SHTN1: variants seen among roughly 807,000 people sequenced by gnomAD.
SHTN1 encodes shootin-1.
A neutral mutation model predicts 83.1 loss-of-function variants in SHTN1; 42 were observed. The observed-to-expected ratio is 0.51, with a 90% CI of 0.39 to 0.65. The LOEUF is 0.65. SHTN1 is among the 30% of genes least tolerant of loss of function. The pLI, the probability that SHTN1 is intolerant of heterozygous loss-of-function variation, is 0.00. For missense variants in SHTN1, 622 were observed against 737.8 expected (o/e 0.84, Z 1.82); for synonymous variants, 224 against 247.7 (o/e 0.90, Z 0.90).
intron 1 of SHTN1, among the ~76,000 whole-genome samples, chr10:117,115,979 G>C (rs1406942503): frequency 6.6e-6 from 1 of 152,056 alleles, no homozygotes; most frequent in African/African-American, 2.4e-5. Context: ...CTGTAGAGTG[G>C]AGATAATTAT....
chr10:117,123,954 G>A (rs1336738395), intron 1 of SHTN1, among the ~76,000 whole-genome samples: 2 of 150,044 alleles, frequency 1.3e-5, no homozygotes, highest in East Asian at 2.0e-4. Context: ...ACTCATACCT[G>A]TAATCCGAAC....
intron 9 of SHTN1, among the ~76,000 whole-genome samples, chr10:116,930,361 T>C (rs1848914878): frequency 6.6e-6 from 1 of 152,190 alleles, no homozygotes; most frequent in Non-Finnish European, 1.5e-5. Context: ...ACCTGATAGA[T>C]ACTTTTTCGA....
At position 116,979,027 on chromosome 10, in the gene SHTN1, T is replaced by C. The variant is rs923923966; in HGVS notation, c.111+229A>G. On this transcript the variant is annotated intron_variant, in intron 2 of 16. Coordinates refer to ENST00000355371, the MANE Select transcript of SHTN1 (RefSeq NM_001127211.3). The stretch of plus-strand genomic sequence containing the variant: ...GTGCCTTGCTGCACATTTAGCCATG[T>C]AGTTAATCTCCCAGAGCTGCACCCA... Among the ~76,000 whole-genome samples, 72 of 152,248 alleles carry C rather than the reference T, an allele frequency of 4.7e-4. 1 individual carries two copies. The highest frequency in any genetic ancestry group is 1.0e-4 in the Non-Finnish European group (7 of 68,046).
intron 2 of SHTN1, among the ~76,000 whole-genome samples, chr10:117,040,182 G>C (rs1290179917): frequency 3.3e-5 from 5 of 152,120 alleles, no homozygotes; most frequent in Admixed American, 3.3e-4. Flanking sequence ...CTGAAAACCT[G>C]ATTTGAAAAT....
intron 2 of SHTN1, among the ~76,000 whole-genome samples, chr10:117,043,412 A>T (rs1589908793): frequency 6.6e-6 from 1 of 152,172 alleles, no homozygotes; most frequent in East Asian, 1.9e-4. Flanking sequence ...AGTTCTGGAG[A>T]CCAATGGTGG....
At chr10:117,053,058 G>A (rs1485932294) in intron 1 of SHTN1, among the ~76,000 whole-genome samples, 2 of 128,364 alleles carry the variant, frequency 1.6e-5, no homozygotes, top group East Asian at 2.2e-4. Flanking sequence ...GGACCCTTAC[G>A]TGACCCCTCA....
chr10:116,951,787 T>C lies in SHTN1; in HGVS notation c.534+122A>G, dbSNP rs113376632. The C allele has an allele frequency of 7.1e-4, 319 of 448,058 alleles. 1 individual carries two copies. The highest frequency in any genetic ancestry group is 3.0e-3 in the African/African-American group (149 of 49,448). 27.8% of individuals were successfully genotyped at this position (448,058 alleles called of 1,614,324 possible). On this transcript the variant is annotated intron_variant, in intron 6 of 16. Coordinates refer to ENST00000355371, the MANE Select transcript of SHTN1 (RefSeq NM_001127211.3). Reference sequence around the variant, plus strand: ...TATGTCTGAAATTGAGGAGAGAAGATTAAAATTGGTACATGGTTCTCATGT... The same window carrying C: ...TATGTCTGAAATTGAGGAGAGAAGACTAAAATTGGTACATGGTTCTCATGT...
chr10:116,937,314 C>T (rs1589823296), intron 9 of SHTN1, among the ~76,000 whole-genome samples: 2 of 152,086 alleles, frequency 1.3e-5, no homozygotes, highest in South Asian at 2.1e-4. Context: ...CTTTCCTTTC[C>T]ATGTTTAGTG....
intron 1 of SHTN1, among the ~76,000 whole-genome samples, chr10:117,062,760 T>C (rs151099265): frequency 6.6e-5 from 10 of 152,328 alleles, no homozygotes; most frequent in Middle Eastern, 6.8e-3. Context: ...AAGCTCTTTG[T>C]GGGTCTTCAA....
At chr10:116,963,138 C>T (rs1322558140) in intron 3 of SHTN1, among the ~76,000 whole-genome samples, 1 of 132,564 alleles carries the variant, frequency 7.5e-6, no homozygotes, top group Non-Finnish European at 1.5e-5. Flanking sequence ...GTGGCGCAAT[C>T]TCGGCTCACT....
chr10:117,022,942 G>A (rs1852284331), intron 2 of SHTN1, among the ~76,000 whole-genome samples: 1 of 152,084 alleles, frequency 6.6e-6, no homozygotes, highest in South Asian at 2.1e-4. Flanking sequence ...ATAAATGCAA[G>A]TGTATCAAAA....
chr10:116,902,811 G>C lies in SHTN1; in HGVS notation c.1481-854C>G, dbSNP rs1455930380. ...GAGAGGATAACCTTGAAATGTGCCAGTAAGAAGAGCACAAAACTTGGGTGT... is the reference window on the plus strand; with the variant it reads ...GAGAGGATAACCTTGAAATGTGCCACTAAGAAGAGCACAAAACTTGGGTGT... On this transcript the variant is annotated intron_variant, in intron 15 of 16. Coordinates refer to ENST00000355371, the MANE Select transcript of SHTN1 (RefSeq NM_001127211.3). Among the ~76,000 whole-genome samples the C allele has an allele frequency of 2.6e-5, 4 of 152,316 alleles. No homozygotes were observed. In the East Asian group the frequency reaches 7.7e-4, roughly 29 times the overall value.
At chr10:116,980,495 AT>A (rs1263570157) in intron 1 of SHTN1, among the ~76,000 whole-genome samples, 2 of 149,848 alleles carry the variant, frequency 1.3e-5, no homozygotes, top group African/African-American at 2.5e-5. Flanking sequence ...GGGTCTTGCT[AT>A]TTTGCCCAGC....
At chr10:116,924,423 G>C (rs968019085) in intron 11 of SHTN1, among the ~76,000 whole-genome samples, 1 of 151,258 alleles carries the variant, frequency 6.6e-6, no homozygotes, top group Non-Finnish European at 1.5e-5. Context: ...ATTTACACAC[G>C]GGAAGAAGAA....
chr10:116,942,291 C>A (rs1022328558), intron 8 of SHTN1, among the ~76,000 whole-genome samples: 1 of 151,776 alleles, frequency 6.6e-6, no homozygotes, highest in South Asian at 2.1e-4. Context: ...CGGCTCACTG[C>A]AACCTCTGCC....
At position 116,946,605 on chromosome 10, in the gene SHTN1, ATTTATATATAAATATATAAAATG is replaced by A. The variant is rs1564890895; in HGVS notation, c.617-1610_617-1588del. The stretch of plus-strand genomic sequence containing the variant: ...GATTTATATATAAATATATAAAATG[ATTTATATATAAATATATAAAATG>A]ATTTATATATAAATATATAAAATGA... On this transcript the variant is annotated intron_variant, in intron 7 of 16. Coordinates refer to ENST00000355371, the MANE Select transcript of SHTN1 (RefSeq NM_001127211.3). Among the ~76,000 whole-genome samples the A allele has an allele frequency of 2.6e-4, 32 of 121,090 alleles. No individual in the cohort carries two copies. The East Asian group carries it at 3.5e-3, about 13-fold the overall frequency. 79.4% of individuals were successfully genotyped at this position (121,090 alleles called of 152,430 possible). A position where few individuals can be genotyped will look rare whatever the true frequency, so the allele number is the denominator to read the frequency against.
At chr10:116,980,670 C>A (rs756059016) in intron 1 of SHTN1, among the ~76,000 whole-genome samples, 2 of 151,876 alleles carry the variant, frequency 1.3e-5, no homozygotes, top group Non-Finnish European at 2.9e-5. Context: ...GTTCCAAGAA[C>A]ATCCCAGATA....
chr10:117,005,204 C>G, upstream of SHTN1: 1 of 1,522,914 alleles, frequency 6.6e-7, no homozygotes, highest in Non-Finnish European at 8.8e-7. Flanking sequence ...GGATCCGCTC[C>G]CGCTCCTCCT....
At chr10:117,120,695 G>A (rs1853910019) in intron 1 of SHTN1, among the ~76,000 whole-genome samples, 1 of 152,134 alleles carries the variant, frequency 6.6e-6, no homozygotes, top group African/African-American at 2.4e-5. Flanking sequence ...ACAGAACCTA[G>A]TGTTAGATAG....
Sources: gnomAD v4.1 joint callset for allele counts (sites outside exome capture counted in the v4.1 genomes callset) on GRCh38, gnomAD v4.1.1 for gene constraint, MANE v1.5 for transcripts, NCBI Gene and HGNC (gene_info 2026-07-23, HGNC 2026-07-21) for gene names.